TPM4: variants seen among roughly 807,000 people sequenced by gnomAD.
TPM4 encodes the protein tropomyosin alpha-4 chain.
A neutral mutation model predicts 35.8 loss-of-function variants in TPM4; 17 were observed. The observed-to-expected ratio is 0.47, with a 90% CI of 0.32 to 0.71. The LOEUF is 0.71. TPM4 is among the 30% of genes least tolerant of loss of function. The probability of loss-of-function intolerance (pLI) is 0.03; values close to 1 mark genes in which losing one functional copy is unlikely to be tolerated. For missense variants in TPM4, 240 were observed against 320.9 expected (o/e 0.75, Z 1.93); for synonymous variants, 120 against 122.9 (o/e 0.98, Z 0.15).
At chr19:16,097,934 T>G (rs532143292) in intron 7 of TPM4, among the ~76,000 whole-genome samples, 1 of 152,272 alleles carries the variant, frequency 6.6e-6, no homozygotes, top group Admixed American at 6.5e-5. Context: ...CTGCCGTCCA[T>G]CCTGAACTTC....
At chr19:16,084,992 C>T (rs972441523) in intron 2 of TPM4, among the ~76,000 whole-genome samples, 1 of 152,072 alleles carries the variant, frequency 6.6e-6, no homozygotes, top group African/African-American at 2.4e-5. Context: ...TGCGGTGGCT[C>T]ACACCTGTAA....
intron 7 of TPM4, among the ~76,000 whole-genome samples, chr19:16,098,973 A>G (rs2090733285): frequency 6.6e-6 from 1 of 152,138 alleles, no homozygotes; most frequent in South Asian, 2.1e-4. Flanking sequence ...CTCGTCCAAC[A>G]TAGTCAGCAT....
intron 1 of TPM4, among the ~76,000 whole-genome samples, chr19:16,078,634 C>T (rs373905163): frequency 2.0e-5 from 3 of 152,158 alleles, no homozygotes; most frequent in African/African-American, 4.8e-5. Context: ...ACAATTAACT[C>T]GGCTTCAAAA....
At chr19:16,082,853 G>T (rs543359023) in intron 2 of TPM4, among the ~76,000 whole-genome samples, 11 of 151,990 alleles carry the variant, frequency 7.2e-5, no homozygotes, top group Non-Finnish European at 1.3e-4. Flanking sequence ...TTAGCCGGGT[G>T]TGGTGGTGCA....
intron 4 of TPM4, chr19:16,088,692 C>CT (rs1212347407): frequency 1.9e-6 from 2 of 1,065,882 alleles, no homozygotes; most frequent in Non-Finnish European, 2.3e-6. Context: ...CCATTGCTCT[C>CT]TGCCCGCCTT....
chr19:16,076,958 G>C (rs1036155015), intron 1 of TPM4: 7 of 611,590 alleles, frequency 1.1e-5, no homozygotes, highest in Non-Finnish European at 1.6e-5. Flanking sequence ...GAAATGGGGG[G>C]ATGGGGCGGA....
chr19:16,097,905 A>G (rs1171284157), intron 7 of TPM4, among the ~76,000 whole-genome samples: 1 of 152,046 alleles, frequency 6.6e-6, no homozygotes, highest in Non-Finnish European at 1.5e-5. Context: ...TTCCACCCTC[A>G]GCCTCTCCCT....
At chr19:16,096,183 C>A (rs2090693869) in intron 7 of TPM4, among the ~76,000 whole-genome samples, 1 of 152,154 alleles carries the variant, frequency 6.6e-6, no homozygotes, top group Admixed American at 6.6e-5. Context: ...CCTGCCTTGG[C>A]CTCCCAAAGT....
At chr19:16,076,770 C>A (rs1399026533) in intron 1 of TPM4, 73 bp downstream of exon 1, 3 of 1,282,506 alleles carry the variant, frequency 2.3e-6, no homozygotes, top group Non-Finnish European at 3.0e-6. Context: ...CCCGGCTTCC[C>A]GCGCTGCCCG....
At chr19:16,071,327 G>C (rs879327831) in intron 2 of TPM4, among the ~76,000 whole-genome samples, 9 of 152,134 alleles carry the variant, frequency 5.9e-5, no homozygotes, top group Non-Finnish European at 1.2e-4. Flanking sequence ...CTCCCCAGTG[G>C]AGGTGCACAC....
chr19:16,102,687 G>C lies in TPM4; in HGVS notation c.*1341G>C, dbSNP rs1301695300. 2 of 229,294 alleles carry C rather than the reference G, an allele frequency of 8.7e-6. No homozygotes were observed. Among genetic ancestry groups the C allele is most frequent in the Non-Finnish European group, 1.7e-5 (2 of 115,694 alleles). 14.2% of individuals were successfully genotyped at this position (229,294 alleles called of 1,614,324 possible). A position where few individuals can be genotyped will look rare whatever the true frequency, so the allele number is the denominator to read the frequency against. On this transcript the variant is annotated 3_prime_UTR_variant, in exon 8 of 8. Transcript: ENST00000643579. Reference sequence around the variant, plus strand: ...AAGGATTCTGTAGACAGGGCTGCACGTATCGGCTTTGTTTGACTTCTCTTT... The same window carrying C: ...AAGGATTCTGTAGACAGGGCTGCACCTATCGGCTTTGTTTGACTTCTCTTT...
chr19:16,090,999 A>G (rs1204352361), intron 5 of TPM4, among the ~76,000 whole-genome samples: 1 of 151,976 alleles, frequency 6.6e-6, no homozygotes, highest in African/African-American at 2.4e-5. Flanking sequence ...TGTGTATGCC[A>G]GACACTGCCC....
At chr19:16,088,216 G>A in intron 4 of TPM4, 119 bp downstream of exon 4, 4 of 1,453,730 alleles carry the variant, frequency 2.8e-6, no homozygotes, top group South Asian at 2.5e-5. Flanking sequence ...ACGGGCGTCA[G>A]GGGCTCATGG....
At chr19:16,074,032 A>C (rs558942227), upstream of TPM4, among the ~76,000 whole-genome samples, 154 of 151,214 alleles carry the variant, frequency 1.0e-3, 2 homozygotes, top group Middle Eastern at 0.031. Context: ...CAAAAAAAAA[A>C]CATACACACA....
At chr19:16,076,008 C>G (rs759152434), upstream of TPM4, 26 of 1,586,676 alleles carry the variant, frequency 1.6e-5, no homozygotes, top group South Asian at 3.0e-4. Context: ...ACGTGACCCC[C>G]CCCCCAGGCT....
chr19:16,077,189 C>T (rs1330958795), intron 1 of TPM4: 1 of 150,222 alleles, frequency 6.7e-6, no homozygotes, highest in Non-Finnish European at 1.5e-5. Context: ...GGGGGTCGCA[C>T]TTTCTCGCCT....
chr19:16,093,628 G>GT, intron 6 of TPM4, 30 bp downstream of exon 6: 1 of 1,614,212 alleles, frequency 6.2e-7, no homozygotes, highest in Non-Finnish European at 8.5e-7. Flanking sequence ...GCGAGCTCTG[G>GT]TTTCTCCTGG....
At chr19:16,080,953 A>G (rs1045895996) in intron 1 of TPM4, 35 of 398,524 alleles carry the variant, frequency 8.8e-5, no homozygotes, top group Non-Finnish European at 1.5e-4. Flanking sequence ...CTATTGGGGT[A>G]TGTCTTCCAT....
chr19:16,102,713 T>C lies in TPM4; in HGVS notation c.*1367T>C, dbSNP rs1348845865. On this transcript the variant is annotated 3_prime_UTR_variant, in exon 8 of 8. Coordinates refer to ENST00000643579, the MANE Select transcript of TPM4 (RefSeq NM_003290.3). The stretch of plus-strand genomic sequence containing the variant: ...TATCGGCTTTGTTTGACTTCTCTTT[T>C]CTCAGTTAACATCTCAGAGCTAGAA... 1 of 230,080 alleles carries C rather than the reference T, an allele frequency of 4.3e-6. No homozygotes were observed. The highest frequency in any genetic ancestry group is 8.6e-6 in the Non-Finnish European group (1 of 116,166). The allele number at this position is 230,080 out of a possible 1,614,324, so 14.3% of individuals were successfully genotyped here. A position where few individuals can be genotyped will look rare whatever the true frequency, so the allele number is the denominator to read the frequency against.
Sources: gnomAD v4.1 joint callset for allele counts (sites outside exome capture counted in the v4.1 genomes callset) on GRCh38, gnomAD v4.1.1 for gene constraint, MANE v1.5 for transcripts, NCBI Gene and HGNC (gene_info 2026-07-23, HGNC 2026-07-21) for gene names.